PTPRG: variants seen among roughly 807,000 people sequenced by gnomAD.
The protein encoded by PTPRG is protein tyrosine phosphatase receptor type G, also known as receptor-type tyrosine-protein phosphatase gamma.
Under a neutral mutation model 165.3 loss-of-function variants are expected in PTPRG, and 102 were observed. The ratio of observed to expected loss-of-function variants is 0.62; its 90% CI spans 0.53 to 0.73. The LOEUF is 0.73. Ranked by LOEUF, PTPRG falls within the 30% of genes least tolerant of loss-of-function variation. PTPRG has a pLI of 0.00. For synonymous variants in PTPRG, 675 were observed against 669.5 expected, an observed-to-expected ratio of 1.01 and a Z score of -0.13; for missense variants, 1,866 against 1,861.4, an observed-to-expected ratio of 1.00 and a Z score of -0.05.
At chr3:61,660,782 C>T (rs538263217) in intron 1 of PTPRG, among the ~76,000 whole-genome samples, 19 of 152,208 alleles carry the variant, frequency 1.2e-4, no homozygotes, top group Non-Finnish European at 2.4e-4. Context: ...TGGGCTGATA[C>T]CTGAGGTCGG....
intron 5 of PTPRG, among the ~76,000 whole-genome samples, chr3:62,086,264 G>C (rs1017930529): frequency 1.4e-5 from 2 of 146,662 alleles, no homozygotes; most frequent in Non-Finnish European, 3.0e-5. Flanking sequence ...ATTTTCTATC[G>C]TGTTATGGTT....
chr3:61,601,611 A>C (rs1425588844), intron 1 of PTPRG, among the ~76,000 whole-genome samples: 2 of 152,226 alleles, frequency 1.3e-5, no homozygotes, highest in East Asian at 3.8e-4. Flanking sequence ...GTTTCTCTTT[A>C]TCCATCCATC....
At chr3:61,690,600 A>G (rs1206155657) in intron 1 of PTPRG, among the ~76,000 whole-genome samples, 4 of 152,234 alleles carry the variant, frequency 2.6e-5, no homozygotes, top group Non-Finnish European at 5.9e-5. Flanking sequence ...CTGAAGGTCC[A>G]TGAAGGGATA....
At chr3:61,827,070 T>C (rs900288174) in intron 2 of PTPRG, among the ~76,000 whole-genome samples, 1 of 152,160 alleles carries the variant, frequency 6.6e-6, no homozygotes. Context: ...TTGCCTTTAG[T>C]TGGAATCTTT....
At chr3:62,089,762 AT>A (rs57347347) in intron 5 of PTPRG, among the ~76,000 whole-genome samples, 2 of 152,122 alleles carry the variant, frequency 1.3e-5, no homozygotes, top group African/African-American at 4.8e-5. Flanking sequence ...AAGTTGTATG[AT>A]TTTTTTGTGA....
chr3:62,182,692 G>T (rs930047684), intron 8 of PTPRG, among the ~76,000 whole-genome samples: 1 of 152,166 alleles, frequency 6.6e-6, no homozygotes, highest in South Asian at 2.1e-4. Flanking sequence ...ATGGAGTCTC[G>T]CTCTGTCGCC....
At chr3:61,943,078 T>C (rs1226451362) in intron 2 of PTPRG, among the ~76,000 whole-genome samples, 2 of 152,234 alleles carry the variant, frequency 1.3e-5, no homozygotes, top group African/African-American at 4.8e-5. Flanking sequence ...GTGAATTGTG[T>C]ATAAGTCTTT....
In PTPRG at chr3:61,830,566, GTTT is replaced by G. The variant is rs57644199; in HGVS notation, c.190+81606_190+81608del. On this transcript the variant is annotated intron_variant, in intron 2 of 29. Coordinates refer to ENST00000474889, the MANE Select transcript of PTPRG (RefSeq NM_002841.4). Reference sequence around the variant, plus strand: ...ACTGGTGATGGTTCTTTTTGTTTTTGTTTTTTTTTTTTTTTTTTTTTTTTGGAG... The same window carrying G: ...ACTGGTGATGGTTCTTTTTGTTTTTGTTTTTTTTTTTTTTTTTTTTTGGAG... Among the ~76,000 whole-genome samples the G allele has an allele frequency of 1.0e-3, 89 of 86,516 alleles. 1 individual carries two copies. Among genetic ancestry groups the G allele is most frequent in the African/African-American group, 2.6e-3 (63 of 24,144 alleles). 56.8% of individuals were successfully genotyped at this position (86,516 alleles called of 152,430 possible).
intron 5 of PTPRG, among the ~76,000 whole-genome samples, chr3:62,110,102 T>TTC (rs1175196397): frequency 6.7e-6 from 1 of 149,272 alleles, no homozygotes; most frequent in Non-Finnish European, 1.5e-5. Context: ...TTTTTTTTTT[T>TTC]TTTTTTTTTT....
intron 1 of PTPRG, among the ~76,000 whole-genome samples, chr3:61,715,595 G>A: frequency 6.6e-6 from 1 of 152,152 alleles, no homozygotes; most frequent in East Asian, 1.9e-4. Context: ...TTGGGTGGAG[G>A]AAGGCCCTGG....
intron 8 of PTPRG, among the ~76,000 whole-genome samples, chr3:62,183,052 C>CCAA (rs1422129138): frequency 6.6e-6 from 1 of 152,224 alleles, no homozygotes; most frequent in African/African-American, 2.4e-5. Flanking sequence ...CAAGCTTTAT[C>CCAA]CAAGGCCACA....
At chr3:62,131,072 A>G (rs566958034) in intron 5 of PTPRG, among the ~76,000 whole-genome samples, 2 of 152,256 alleles carry the variant, frequency 1.3e-5, no homozygotes, top group South Asian at 2.1e-4. Flanking sequence ...TATAATCACT[A>G]TTAACTCATA....
intron 11 of PTPRG, among the ~76,000 whole-genome samples, chr3:62,201,906 T>C (rs1240796730): frequency 6.6e-6 from 1 of 150,956 alleles, no homozygotes; most frequent in Non-Finnish European, 1.5e-5. Context: ...CGTAAAGTTA[T>C]ATGGATCTGA....
At chr3:61,687,722 A>G (rs180736152) in intron 1 of PTPRG, among the ~76,000 whole-genome samples, 1 of 152,384 alleles carries the variant, frequency 6.6e-6, no homozygotes, top group East Asian at 1.9e-4. Flanking sequence ...CAAATTCTTT[A>G]CATGCCAGTT....
intron 5 of PTPRG, among the ~76,000 whole-genome samples, chr3:62,108,606 T>C (rs1318723291): frequency 6.6e-6 from 1 of 152,204 alleles, no homozygotes; most frequent in Non-Finnish European, 1.5e-5. Context: ...TCTAGACCCT[T>C]GAGGAATCAC....
At chr3:61,901,487 A>C (rs947719054) in intron 2 of PTPRG, among the ~76,000 whole-genome samples, 3 of 152,240 alleles carry the variant, frequency 2.0e-5, no homozygotes, top group Admixed American at 6.5e-5. Context: ...GTAGATAAGA[A>C]CAACCTTGGA....
intron 1 of PTPRG, among the ~76,000 whole-genome samples, chr3:61,696,433 C>T (rs535191431): frequency 2.6e-5 from 4 of 152,190 alleles, no homozygotes; most frequent in East Asian, 1.9e-4. Context: ...ACCCAGGAGG[C>T]GAAGGTTGCA....
intron 2 of PTPRG, among the ~76,000 whole-genome samples, chr3:61,817,032 G>GTATATAATATATAA (rs551480459): frequency 7.9e-6 from 1 of 126,696 alleles, no homozygotes; most frequent in African/African-American, 3.0e-5. Context: ...ATAATATATA[G>GTATATAATATATAA]TATATAATAT....
At position 62,217,045 on chromosome 3, in the gene PTPRG, C is replaced by G. The variant is rs1323773686; in HGVS notation, c.2156-1806C>G. ...TAATTGTTGTTGTGCCTGCCTCTCCCCATTTAAAAGATTCCTCCCCATGGG... is the reference window on the plus strand; with the variant it reads ...TAATTGTTGTTGTGCCTGCCTCTCCGCATTTAAAAGATTCCTCCCCATGGG... On this transcript the variant is annotated intron_variant, in intron 12 of 29. Coordinates refer to ENST00000474889, the MANE Select transcript of PTPRG (RefSeq NM_002841.4). This position sits in a 1 kb window ranked among gnomAD's most constrained non-coding sequence, Gnocchi z 4.3. Among the ~76,000 whole-genome samples, 1 of 152,144 alleles carries G rather than the reference C, an allele frequency of 6.6e-6. No homozygotes were observed. Among genetic ancestry groups the G allele is most frequent in the Non-Finnish European group, 1.5e-5 (1 of 68,032 alleles).
Sources: gnomAD v4.1 joint callset for allele counts (sites outside exome capture counted in the v4.1 genomes callset) on GRCh38, gnomAD v4.1.1 for gene constraint, Gnocchi (gnomAD v3.1) non-coding constraint, MANE v1.5 for transcripts, NCBI Gene and HGNC (gene_info 2026-07-23, HGNC 2026-07-21) for gene names.